Variants in PCDHGB3 observed in about 807,000 individuals in gnomAD.
The protein encoded by PCDHGB3 is protocadherin gamma-B3.
A neutral mutation model predicts 59.2 loss-of-function variants in PCDHGB3; 40 were observed. The observed-to-expected ratio is 0.68, with a 90% CI of 0.52 to 0.88. The LOEUF is 0.88. Among genes scored for constraint, PCDHGB3 ranks in the 40% least tolerant of loss-of-function variants. The pLI, the probability that PCDHGB3 is intolerant of heterozygous loss-of-function variation, is 0.00. For synonymous variants in PCDHGB3, 581 were observed against 503.6 expected, an observed-to-expected ratio of 1.15 and a Z score of -2.06; for missense variants, 1,309 against 1,187.9, an observed-to-expected ratio of 1.10 and a Z score of -1.50.
intron 1 of PCDHGB3, chr5:141,375,263 T>C (rs200233213): frequency 1.2e-6 from 2 of 1,613,828 alleles, no homozygotes; most frequent in Non-Finnish European, 1.7e-6. Context: ...CCCATTTGAA[T>C]TGGAAAAATC....
At chr5:141,444,659 C>G (rs2098443878) in intron 1 of PCDHGB3, among the ~76,000 whole-genome samples, 1 of 152,032 alleles carries the variant, frequency 6.6e-6, no homozygotes, top group African/African-American at 2.4e-5. Context: ...GAAGTTATTT[C>G]CCATTTTTTT....
chr5:141,467,923 T>C lies in PCDHGB3; in HGVS notation c.2416-26884T>C, dbSNP rs190816380. Among the ~76,000 whole-genome samples the C allele has an allele frequency of 3.9e-3, 588 of 151,590 alleles. 5 individuals carry two copies. Among genetic ancestry groups the C allele is most frequent in the Admixed American group, 0.011 (168 of 15,214 alleles). ...ATCCGCCCACCTCAGCCTCCCAAAA[T>C]GCTAGGATTACAAGCATGAGCCACC... On this transcript the variant is annotated intron_variant, in intron 1 of 3. Coordinates refer to ENST00000576222, the MANE Select transcript of PCDHGB3 (RefSeq NM_018924.5).
intron 1 of PCDHGB3, chr5:141,429,167 TATAC>T (rs1240034860): frequency 7.3e-6 from 1 of 136,106 alleles, no homozygotes; most frequent in African/African-American, 2.9e-5. Flanking sequence ...AGACATTGTT[TATAC>T]ACACACACAC....
intron 1 of PCDHGB3, chr5:141,394,240 C>G (rs1392586422): frequency 6.2e-7 from 1 of 1,613,822 alleles, no homozygotes; most frequent in African/African-American, 1.3e-5. Flanking sequence ...TCCTTGACTG[C>G]ACACGACCCC....
intron 3 of PCDHGB3, among the ~76,000 whole-genome samples, chr5:141,509,056 G>A (rs1303823294): frequency 1.3e-5 from 2 of 152,178 alleles, no homozygotes; most frequent in Admixed American, 6.5e-5. Context: ...CCCCCAGAAA[G>A]CTCTCAGCTC....
At chr5:141,438,630 A>ATG (rs2098034686) in intron 1 of PCDHGB3, among the ~76,000 whole-genome samples, 1 of 38,920 alleles carries the variant, frequency 2.6e-5, no homozygotes, top group Non-Finnish European at 4.2e-5. Flanking sequence ...ATATATATAT[A>ATG]TATATACACA....
At chr5:141,474,361 T>C (rs2099347915) in intron 1 of PCDHGB3, among the ~76,000 whole-genome samples, 2 of 152,210 alleles carry the variant, frequency 1.3e-5, no homozygotes, top group South Asian at 2.1e-4. Context: ...CATGTCTCAG[T>C]AGGTCTAGAG....
intron 1 of PCDHGB3, chr5:141,423,684 T>TA (rs1412198122): frequency 1.3e-6 from 2 of 1,524,644 alleles, no homozygotes; most frequent in Non-Finnish European, 1.8e-6. Context: ...CTCTGCCTCC[T>TA]AATTGTTGGT....
In PCDHGB3 at chr5:141,372,577, A is replaced by C. The variant is rs550513861; in HGVS notation, c.2183A>C (p.Gln728Pro). 6.2e-7 allele frequency: 1 copy of C among 1,614,006 alleles called. No homozygotes were observed. Among genetic ancestry groups the C allele is most frequent in the African/African-American group, 1.3e-5 (1 of 75,034 alleles). Residue 728 changes from glutamine (Q) to proline (P), a missense_variant, in exon 1 of 4, where the codon CAG (glutamine) becomes CCG (proline). Transcript: ENST00000576222. ...AGACCCGCCACTGAGGGCTACTTTC[A>C]GCCTGGTGTCTGCTTCAAGACTGTA... ...SSRPATEGYF[Q>P]PGVCFKTVPG...
chr5:141,379,709 C>G (rs1200100284), intron 1 of PCDHGB3: 1 of 152,094 alleles, frequency 6.6e-6, no homozygotes, highest in Non-Finnish European at 1.5e-5. Context: ...AACATCCTGG[C>G]AGTCATGGAA....
chr5:141,381,698 C>A (rs1251060336), intron 1 of PCDHGB3, among the ~76,000 whole-genome samples: 1 of 152,046 alleles, frequency 6.6e-6, no homozygotes, highest in Non-Finnish European at 1.5e-5. Flanking sequence ...ACAACGATTT[C>A]TTTCTTTTTT....
At chr5:141,386,678 G>T (rs1376452903) in intron 1 of PCDHGB3, among the ~76,000 whole-genome samples, 2 of 152,012 alleles carry the variant, frequency 1.3e-5, no homozygotes, top group African/African-American at 4.8e-5. Context: ...CATTTCAGAT[G>T]TACAATCACT....
chr5:141,380,249 A>G (rs758616884), intron 1 of PCDHGB3, among the ~76,000 whole-genome samples: 1 of 152,198 alleles, frequency 6.6e-6, no homozygotes, highest in African/African-American at 2.4e-5. Flanking sequence ...GCAATTGTCA[A>G]AGGGGAAGGA....
rs758065876 is a variant in PCDHGB3 at position 141,422,916 on chromosome 5, C to A, written c.2415+50107C>A. 5.6e-6 allele frequency: 9 copies of A among 1,614,260 alleles called. No homozygotes were observed. In the South Asian group the frequency reaches 9.9e-5, roughly 18 times the overall value. ...ACCAGAACGACAATGCGCCCGAGAT[C>A]CTGTACCCTGCCCTCCCCACAGACG... On this transcript the variant is annotated intron_variant, in intron 1 of 3. Coordinates refer to ENST00000576222, the MANE Select transcript of PCDHGB3 (RefSeq NM_018924.5).
Position 141,371,367 on chromosome 5 carries a change from G to T in PCDHGB3, c.973G>T (p.Gly325Ter). The T allele has an allele frequency of 6.2e-7, 1 of 1,613,892 alleles. No individual in the cohort carries two copies. Among genetic ancestry groups the T allele is most frequent in the South Asian group, 1.1e-5 (1 of 91,074 alleles). Residue 325 changes from glycine (G) to a stop codon, truncating the protein, a stop_gained, in exon 1 of 4, where the codon GGA becomes TGA. Transcript: ENST00000576222. LOFTEE classifies it high-confidence loss of function. The stretch of plus-strand genomic sequence containing the variant: ...AATTGGGGTGGAAGCAAAGGATGGT[G>T]GACATCACACTGCATATTGTAAAGT... Reference protein sequence around the residue: ...YTIGVEAKDGGHHTAYCKVQI... With the variant: ...YTIGVEAKDG
At chr5:141,510,814 C>T in intron 3 of PCDHGB3, 133 bp from the exon 4 acceptor site, 2 of 1,544,688 alleles carry the variant, frequency 1.3e-6, no homozygotes, top group East Asian at 4.6e-5. Context: ...TTGGTGACCC[C>T]TATATTCCCA....
rs751320023 is a variant in PCDHGB3 at position 141,431,263 on chromosome 5, G to T, written c.2415+58454G>T. 6 of 1,614,060 alleles carry T rather than the reference G, an allele frequency of 3.7e-6. No homozygotes were observed. In the East Asian group the frequency reaches 1.3e-4, roughly 36 times the overall value. ...CGGATATCGGGAAGAACTCTCTGCA[G>T]AGCTACGAGCTCAGCCCGAACACTC... On this transcript the variant is annotated intron_variant, in intron 1 of 3. Transcript: ENST00000576222. The surrounding 1 kb of genome is among the most constrained non-coding windows in gnomAD (Gnocchi z 4.8).
In PCDHGB3 at chr5:141,374,497, G is replaced by A. The variant is rs778938878; in HGVS notation, c.2415+1688G>A. On this transcript the variant is annotated intron_variant, in intron 1 of 3. Coordinates refer to ENST00000576222, the MANE Select transcript of PCDHGB3 (RefSeq NM_018924.5). ...CACCCCGATTCTTAAAGGAAGAATT[G>A]GAAGTGAAAATTCTCGAAAACGCAG... 7.4e-6 allele frequency: 12 copies of A among 1,611,444 alleles called. No homozygotes were observed. The Admixed American group carries it at 1.2e-4, about 16-fold the overall frequency.
rs1474643025 is a variant in PCDHGB3 at position 141,370,777 on chromosome 5, AC to A, written c.384del (p.Asp128GlufsTer35). 10 of 1,613,896 alleles carry A rather than the reference AC, an allele frequency of 6.2e-6. No homozygotes were observed. The African/African-American group carries it at 1.2e-4, about 19-fold the overall frequency. ...ACTGTGCTGATCCAGGATATTAACG[AC>A]AACCCACCGACCTTTAGCCAAAATA... ...HVTVLIQDIN[D>X]NPPTFSQNIT... On this transcript the variant is annotated frameshift_variant, in exon 1 of 4. Transcript: ENST00000576222. LOFTEE classifies it high-confidence loss of function.
Sources: allele counts gnomAD v4.1 joint callset (sites outside exome capture counted in the v4.1 genomes callset), GRCh38; gene constraint gnomAD v4.1.1; non-coding constraint Gnocchi (gnomAD v3.1); transcripts MANE v1.5; gene names NCBI Gene and HGNC (gene_info 2026-07-23, HGNC 2026-07-21).